Variants in PAK5 observed in about 807,000 individuals in gnomAD.
The protein encoded by PAK5 is p21 (RAC1) activated kinase 5.
PAK5 carries 16 observed loss-of-function variants against 65.9 expected under a neutral mutation model. The ratio of observed to expected loss-of-function variants is 0.24; its 90% CI spans 0.16 to 0.37. The LOEUF (loss-of-function observed/expected upper bound fraction) is 0.37. PAK5 is among the 10% of genes least tolerant of loss of function. The pLI is 1.00. For synonymous variants in PAK5, 371 were observed against 354.9 expected, an observed-to-expected ratio of 1.05 and a Z score of -0.51; for missense variants, 785 against 903.9, an observed-to-expected ratio of 0.87 and a Z score of 1.69.
intron 1 of PAK5, among the ~76,000 whole-genome samples, chr20:9,825,894 G>A (rs993414648): frequency 9.2e-5 from 14 of 152,228 alleles, no homozygotes; most frequent in Middle Eastern, 3.4e-3. Flanking sequence ...CAAAAATATA[G>A]AGCAATTCAA....
At chr20:9,592,403 A>G (rs1443927508) in intron 3 of PAK5, among the ~76,000 whole-genome samples, 1 of 152,234 alleles carries the variant, frequency 6.6e-6, no homozygotes, top group Non-Finnish European at 1.5e-5. Context: ...TCAGAGTACT[A>G]GTTACCCCTA....
At chr20:9,657,810 G>T (rs1311920655) in intron 2 of PAK5, among the ~76,000 whole-genome samples, 2 of 152,120 alleles carry the variant, frequency 1.3e-5, no homozygotes, top group Admixed American at 6.6e-5. Context: ...AAGGATAAAG[G>T]CCTCAAGAGA....
Position 9,566,171 on chromosome 20 carries a change from T to A in PAK5, c.1204A>T (p.Ser402Cys), listed in dbSNP as rs757974057. The A allele has an allele frequency of 6.2e-7, 1 of 1,613,624 alleles. No individual in the cohort carries two copies. The highest frequency in any genetic ancestry group is 2.2e-5 in the East Asian group (1 of 44,808). The change falls in exon 5 of 10, where the codon AGC (serine) becomes TGC (cysteine). Residue 402 changes from serine to cysteine, a missense_variant. By Grantham distance (112) the Ser-to-Cys change is moderately radical. This residue lies in a region of PAK5 where 422 missense variants were observed against 413.3 expected (regional missense o/e 1.02). Transcript: ENST00000353224. ...GTGCTGGATGAGAGGCTGAGGGAGC[T>A]CAGGTAGGAAGCCGTGGAGATGTAC... ...SQYISTASYL[S>C]SLSLSSSTYP... is the part of the protein sequence containing the mutation.
intron 1 of PAK5, among the ~76,000 whole-genome samples, chr20:9,718,714 G>A (rs190896163): frequency 7.9e-5 from 12 of 152,102 alleles, no homozygotes; most frequent in African/African-American, 2.4e-4. Context: ...GTCTTTACTA[G>A]GATAGAACCT....
At chr20:9,718,353 G>C (rs1411367371) in intron 1 of PAK5, among the ~76,000 whole-genome samples, 2 of 152,000 alleles carry the variant, frequency 1.3e-5, no homozygotes, top group East Asian at 1.9e-4. Flanking sequence ...AGACTGGAAG[G>C]GTTCCATCAG....
rs147526250 is a variant in PAK5, at chr20:9,830,489, A to G, written c.-162+8273T>C. ...TGGTATTCATGGTGAACTAAACTCA[A>G]ACATGACTGTTGGGCTTGCTGAATG... On this transcript the variant is annotated intron_variant, in intron 1 of 9. Coordinates refer to ENST00000353224, the MANE Select transcript of PAK5 (RefSeq NM_177990.4). Among the ~76,000 whole-genome samples the G allele has an allele frequency of 4.9e-4, 75 of 152,352 alleles. No homozygotes were observed. In the Middle Eastern group the frequency reaches 0.01, roughly 21 times the overall value.
At chr20:9,768,810 AGGG>A (rs1307577107) in intron 1 of PAK5, among the ~76,000 whole-genome samples, 2 of 138,132 alleles carry the variant, frequency 1.4e-5, no homozygotes, top group African/African-American at 5.6e-5. Flanking sequence ...AAAAAAAAAA[AGGG>A]AAAGAAAGAA....
chr20:9,766,763 A>G (rs2048772973), intron 1 of PAK5, among the ~76,000 whole-genome samples: 1 of 151,816 alleles, frequency 6.6e-6, no homozygotes. Context: ...ACATTTGGAG[A>G]AGGTAGTGAT....
chr20:9,680,375 A>C (rs2047633374), intron 2 of PAK5, among the ~76,000 whole-genome samples: 2 of 152,168 alleles, frequency 1.3e-5, no homozygotes, highest in Non-Finnish European at 2.9e-5. Context: ...CTCAGGAGGA[A>C]TGGTAAGAAC....
At chr20:9,632,019 A>G (rs2046928251) in intron 3 of PAK5, among the ~76,000 whole-genome samples, 1 of 152,218 alleles carries the variant, frequency 6.6e-6, no homozygotes, top group Non-Finnish European at 1.5e-5. Flanking sequence ...ATGCTAAATG[A>G]GAGATAAAAT....
chr20:9,611,793 G>A (rs2046566077), intron 3 of PAK5, among the ~76,000 whole-genome samples: 1 of 152,168 alleles, frequency 6.6e-6, no homozygotes, highest in Admixed American at 6.6e-5. Context: ...CCTCAAGAGA[G>A]AAGAAAGTCT....
intron 1 of PAK5, among the ~76,000 whole-genome samples, chr20:9,748,208 C>T (rs1424288688): frequency 6.6e-6 from 1 of 152,144 alleles, no homozygotes; most frequent in East Asian, 1.9e-4. Flanking sequence ...AATGGAAGAA[C>T]ATTCCATGCT....
chr20:9,580,714 A>ACTT lies in PAK5; in HGVS notation c.420_421insAAG (p.Asp140_Tyr141insLys). The ACTT allele has an allele frequency of 6.2e-7, 1 of 1,614,048 alleles. No individual in the cohort carries two copies. The highest frequency in any genetic ancestry group is 8.5e-7 in the Non-Finnish European group (1 of 1,179,974). ...TTCTCCCTGTACTTTTCGGTCGTGT[A>ACTT]GTCAGCAGTAGTATCGGATTCGCTG... On this transcript the variant is annotated inframe_insertion, in exon 4 of 10. Coordinates refer to ENST00000353224, the MANE Select transcript of PAK5 (RefSeq NM_177990.4).
intron 2 of PAK5, among the ~76,000 whole-genome samples, chr20:9,697,771 G>A (rs1184772930): frequency 6.6e-6 from 1 of 152,064 alleles, no homozygotes; most frequent in African/African-American, 2.4e-5. Flanking sequence ...TAAAAAGGAA[G>A]CTTTTAGACA....
intron 1 of PAK5, among the ~76,000 whole-genome samples, chr20:9,785,189 G>C (rs6087023): frequency 6.6e-6 from 1 of 152,016 alleles, no homozygotes; most frequent in Non-Finnish European, 1.5e-5. Flanking sequence ...CATTATTTTA[G>C]GTAAGGATGT....
chr20:9,765,933 A>G (rs1215014670), intron 1 of PAK5, among the ~76,000 whole-genome samples: 1 of 152,204 alleles, frequency 6.6e-6, no homozygotes, highest in Non-Finnish European at 1.5e-5. Context: ...ATGATAACCA[A>G]GTAGAATGGG....
At chr20:9,691,676 CAT>C (rs948054074) in intron 2 of PAK5, among the ~76,000 whole-genome samples, 5 of 152,256 alleles carry the variant, frequency 3.3e-5, no homozygotes, top group African/African-American at 7.2e-5. Context: ...AGTCACAAAT[CAT>C]AGTCTATTAC....
chr20:9,596,470 A>C (rs1033940217), intron 3 of PAK5, among the ~76,000 whole-genome samples: 8 of 151,940 alleles, frequency 5.3e-5, no homozygotes, highest in Admixed American at 5.2e-4. Context: ...CCCCGTCTCT[A>C]CTAAAAATAC....
intron 2 of PAK5, among the ~76,000 whole-genome samples, chr20:9,677,974 A>G (rs537325063): frequency 4.6e-5 from 7 of 152,316 alleles, no homozygotes; most frequent in South Asian, 2.1e-4. Context: ...TCAAATACCT[A>G]TAGTTGAAAT....
Sources: gnomAD v4.1 joint callset for allele counts (sites outside exome capture counted in the v4.1 genomes callset) on GRCh38, gnomAD v4.1.1 for gene constraint, gnomAD v4.1.1 regional missense constraint, MANE v1.5 for transcripts, NCBI Gene and HGNC (gene_info 2026-07-23, HGNC 2026-07-21) for gene names.